RPS6KB2: variants seen among roughly 807,000 people sequenced by gnomAD.
RPS6KB2 encodes the protein ribosomal protein S6 kinase B2.
Under a neutral mutation model 58.2 loss-of-function variants are expected in RPS6KB2, and 51 were observed. The observed-to-expected ratio is 0.88, with a 90% CI of 0.70 to 1.11. The LOEUF (loss-of-function observed/expected upper bound fraction) is 1.11, where lower values mean the gene tolerates loss of function less well. Ranked by LOEUF, RPS6KB2 falls within the 50% of genes least tolerant of loss-of-function variation. The probability of loss-of-function intolerance (pLI) is 0.00; values close to 1 mark genes in which losing one functional copy is unlikely to be tolerated. For synonymous variants in RPS6KB2, 293 were observed against 258.6 expected, an observed-to-expected ratio of 1.13 and a Z score of -1.28; for missense variants, 671 against 655.8, an observed-to-expected ratio of 1.02 and a Z score of -0.25.
chr11:67,433,297 G>A lies in RPS6KB2; in HGVS notation c.799-43G>A, dbSNP rs781498179. 6 of 1,603,530 alleles carry A rather than the reference G, an allele frequency of 3.7e-6. No homozygotes were observed. The East Asian group carries it at 8.9e-5, about 24-fold the overall frequency. On this transcript the variant is annotated intron_variant, in intron 9 of 14. Transcript: ENST00000312629. ...CCTCCTGGGGCAAGGGCAGGGCCTG[G>A]TGGGAGGCCCACAAGGCTCCTCTCA...
intron 4 of RPS6KB2, chr11:67,429,875 G>A (rs1367998138): frequency 6.6e-6 from 2 of 303,060 alleles, no homozygotes; most frequent in South Asian, 3.9e-5. Context: ...GTGCAGTGAC[G>A]CGATTTTGGC....
At chr11:67,429,321 G>A (rs1207155201) in intron 3 of RPS6KB2, 81 bp downstream of exon 3, 7 of 1,574,340 alleles carry the variant, frequency 4.4e-6, no homozygotes, top group Non-Finnish European at 6.1e-6. Context: ...AATTAGACTT[G>A]TGAATCAGCA....
chr11:67,435,259 G>T lies in RPS6KB2; in HGVS notation c.*90G>T. On this transcript the variant is annotated 3_prime_UTR_variant, in exon 15 of 15. Transcript: ENST00000312629. ...CCTGGGCCAGTTCCAGAGACCTGGG[G>T]GTGTGTCTGGGGGTGGGGTGTGAGT... The T allele has an allele frequency of 8.5e-7, 1 of 1,171,904 alleles. No individual in the cohort carries two copies. Among genetic ancestry groups the T allele is most frequent in the Non-Finnish European group, 1.2e-6 (1 of 855,348 alleles). 72.6% of individuals were successfully genotyped at this position (1,171,904 alleles called of 1,614,324 possible).
At position 67,434,604 on chromosome 11, in the gene RPS6KB2, C is replaced by G; in HGVS notation, c.1178C>G (p.Ser393Cys). The change falls in exon 14 of 15, where the codon TCT becomes TGT. Residue 393 changes from serine to cysteine, a missense_variant. By Grantham distance (112) the Ser-to-Cys change is moderately radical (BLOSUM62 -1). Coordinates refer to ENST00000312629, the MANE Select transcript of RPS6KB2 (RefSeq NM_003952.3). ...AFLGFTYVAP[S>C]VLDSIKEGFS... ...CAGGGCTTCACATACGTGGCGCCGT[C>G]TGTCCTGGACAGCATCAAGGAGGGC... is the stretch of plus-strand genomic sequence containing the variant. The G allele has an allele frequency of 6.2e-7, 1 of 1,607,736 alleles. No homozygotes were observed. Among genetic ancestry groups the G allele is most frequent in the Non-Finnish European group, 8.5e-7 (1 of 1,178,474 alleles).
rs778215913 is a variant in RPS6KB2 at position 67,433,375 on chromosome 11, G to A, written c.834G>A (p.Met278Ile). The change falls in exon 10 of 15, where the codon ATG (methionine) becomes ATA (isoleucine). Residue 278 changes from methionine (M) to isoleucine (I), a missense_variant. By Grantham distance (10) the Met-to-Ile change is conservative. Transcript: ENST00000312629. ...CCGCAGAGAACCGGAAGAAAACCAT[G>A]GATAAGATCATCAGGGGCAAGCTGG... Reference protein sequence around the residue: ...PFTAENRKKTMDKIIRGKLAL... With the variant: ...PFTAENRKKTIDKIIRGKLAL... The A allele has an allele frequency of 1.2e-6, 2 of 1,613,978 alleles. No homozygotes were observed. Among genetic ancestry groups the A allele is most frequent in the Non-Finnish European group, 1.7e-6 (2 of 1,179,964 alleles).
rs891674239 is a variant in RPS6KB2, at chr11:67,435,401, G to A, written c.*232G>A. The A allele has an allele frequency of 1.2e-4, 72 of 609,358 alleles. No homozygotes were observed. The highest frequency in any genetic ancestry group is 1.8e-4 in the Non-Finnish European group (63 of 354,278). The allele number at this position is 609,358 out of a possible 1,614,324, so 37.7% of individuals were successfully genotyped here. On this transcript the variant is annotated 3_prime_UTR_variant, in exon 15 of 15. Coordinates refer to ENST00000312629, the MANE Select transcript of RPS6KB2 (RefSeq NM_003952.3). ...GTGGAAGATTAAAGGGCTGAATCAT[G>A]GTGCTGACCTGGCTCTTTGTGCTGC...
In RPS6KB2 at chr11:67,429,192, C is replaced by T; in HGVS notation, c.192C>T (p.Pro64=). 6.2e-7 allele frequency: 1 copy of T among 1,613,762 alleles called. No homozygotes were observed. Among genetic ancestry groups the T allele is most frequent in the South Asian group, 1.1e-5 (1 of 91,086 alleles). ...SVNVGPERIG[P]HCFELLRVLG... is the part of the protein sequence containing the mutation. The stretch of plus-strand genomic sequence containing the variant: ...ACGTTGGCCCAGAGCGCATCGGGCC[C>T]CACTGCTTTGAGCTGCTGCGTGTGC... The change falls in exon 3 of 15, where the codon CCC becomes CCT. Residue 64 remains proline (P), a synonymous_variant. Transcript: ENST00000312629.
chr11:67,428,678 C>G, intron 1 of RPS6KB2, 55 bp downstream of exon 1: 1 of 1,526,302 alleles, frequency 6.6e-7, no homozygotes, highest in Middle Eastern at 2.0e-4. Context: ...GTCACCCAGC[C>G]GAGGCCGGAG....
In RPS6KB2 at chr11:67,434,224, T is replaced by C. The variant is rs919761459; in HGVS notation, c.996T>C (p.Asn332=). The change falls in exon 12 of 15, where the codon AAT becomes AAC. Residue 332 remains asparagine, a synonymous_variant. Coordinates refer to ENST00000312629, the MANE Select transcript of RPS6KB2 (RefSeq NM_003952.3). The part of the protein sequence containing the change: ...VQRHPFFRHM[N]WDDLLAWRVD... ...GACATCCCTTTTTCCGGCACATGAATTGGGACGACCTTCTGGCCTGGCGTG... is the reference window on the plus strand; with the variant it reads ...GACATCCCTTTTTCCGGCACATGAACTGGGACGACCTTCTGGCCTGGCGTG... The C allele has an allele frequency of 3.7e-6, 6 of 1,613,852 alleles. No homozygotes were observed. Among genetic ancestry groups the C allele is most frequent in the Admixed American group, 3.3e-5 (2 of 60,004 alleles).
Position 67,433,167 on chromosome 11 carries a change from T to A in RPS6KB2, c.749T>A (p.Val250Glu), listed in dbSNP as rs200216663. 1 of 1,605,314 alleles carries A rather than the reference T, an allele frequency of 6.2e-7. No individual in the cohort carries two copies. Among genetic ancestry groups the A allele is most frequent in the Non-Finnish European group, 8.5e-7 (1 of 1,177,420 alleles). ...GTGCGCAGTGGCCACAACCGGGCTG[T>A]GGACTGGTGGAGCCTGGGGGCCCTG... ...ILVRSGHNRA[V>E]DWWSLGALMY... The change falls in exon 9 of 15, where the codon GTG (valine) becomes GAG (glutamate). Residue 250 changes from valine to glutamate, a missense_variant. By Grantham distance (121) the Val-to-Glu change is moderately radical. Coordinates refer to ENST00000312629, the MANE Select transcript of RPS6KB2 (RefSeq NM_003952.3).
intron 5 of RPS6KB2, 126 bp from the exon 6 acceptor site, chr11:67,432,474 C>T (rs994305410): frequency 1.0e-5 from 10 of 980,516 alleles, no homozygotes; most frequent in African/African-American, 1.6e-5. Context: ...TGAATCCCCA[C>T]GGCAGCTCTG....
chr11:67,433,464 TC>T lies in RPS6KB2; in HGVS notation c.906+18del. 6.4e-7 allele frequency: 1 copy of T among 1,573,204 alleles called. No individual in the cohort carries two copies. The highest frequency in any genetic ancestry group is 1.1e-5 in the South Asian group (1 of 90,422). ...GTCAAAAAGGTGCAGCTCCCTTCTC[TC>T]TTCTCCGGGGCCCTGCCAGCCATTC... On this transcript the variant is annotated intron_variant, in intron 10 of 14. Coordinates refer to ENST00000312629, the MANE Select transcript of RPS6KB2 (RefSeq NM_003952.3).
rs759970102 is a variant in RPS6KB2, at chr11:67,434,143, C to A, written c.970-55C>A. The A allele has an allele frequency of 3.1e-6, 5 of 1,611,754 alleles. No individual in the cohort carries two copies. In the African/African-American group the frequency reaches 5.3e-5, roughly 17 times the overall value. On this transcript the variant is annotated intron_variant, in intron 11 of 14. Transcript: ENST00000312629. ...CAGGGCCCCAGGGCAGAGGGAGTGA[C>A]CGGGGGGCAAGCAGGGTGAGCTGTT... is the stretch of plus-strand genomic sequence containing the variant.
Position 67,433,387 on chromosome 11 carries a change from CAGGGG to C in RPS6KB2, c.847_851del (p.Arg283GlnfsTer37), listed in dbSNP as rs751317889. The C allele has an allele frequency of 5.0e-6, 8 of 1,613,900 alleles. No homozygotes were observed. Among genetic ancestry groups the C allele is most frequent in the Non-Finnish European group, 6.8e-6 (8 of 1,179,992 alleles). ...GGAAGAAAACCATGGATAAGATCAT[CAGGGG>C]CAAGCTGGCACTGCCCCCCTACCTC... On this transcript the variant is annotated frameshift_variant, in exon 10 of 15. Coordinates refer to ENST00000312629, the MANE Select transcript of RPS6KB2 (RefSeq NM_003952.3). LOFTEE classifies it high-confidence loss of function.
intron 4 of RPS6KB2, 42 bp from the exon 5 acceptor site, chr11:67,431,326 A>G (rs764702918): frequency 6.2e-7 from 1 of 1,603,736 alleles, no homozygotes; most frequent in African/African-American, 1.3e-5. Context: ...CACTGTGCCC[A>G]GCCTGGATGC....
rs990453774 is a variant in RPS6KB2, at chr11:67,431,521, A to T, written c.457+6A>T. The T allele has an allele frequency of 1.2e-6, 2 of 1,612,674 alleles. No individual in the cohort carries two copies. The highest frequency in any genetic ancestry group is 8.5e-7 in the Non-Finnish European group (1 of 1,179,572). ...CATCCTTGAGTGCCTCAGTGGTATG[A>T]GTGCGGGCCCAGGCAGGGGTGCTGG... is the stretch of plus-strand genomic sequence containing the variant. On this transcript the variant is annotated splice_donor_region_variant and intron_variant, in intron 5 of 14. Transcript: ENST00000312629.
chr11:67,428,785 C>T (rs1441207993), intron 1 of RPS6KB2, 162 bp downstream of exon 1: 17 of 902,158 alleles, frequency 1.9e-5, no homozygotes, highest in African/African-American at 8.2e-5. Flanking sequence ...CACCCTCACC[C>T]CGACCTCTCT....
At chr11:67,428,743 C>A (rs368192580) in intron 1 of RPS6KB2, 120 bp downstream of exon 1, 77 of 1,012,082 alleles carry the variant, frequency 7.6e-5, no homozygotes, top group East Asian at 4.4e-4. Context: ...CCAGATCCTT[C>A]TCAGATCCCG....
At position 67,432,640 on chromosome 11, in the gene RPS6KB2, C is replaced by T. The variant is rs770651305; in HGVS notation, c.498C>T (p.Phe166=). 1 of 1,614,162 alleles carries T rather than the reference C, an allele frequency of 6.2e-7. No individual in the cohort carries two copies. The highest frequency in any genetic ancestry group is 8.5e-7 in the Non-Finnish European group (1 of 1,180,042). The stretch of plus-strand genomic sequence containing the variant: ...CGCATCTGGAGCGAGAGGGCATCTT[C>T]CTGGAAGATACGGCCTGGTGGGTGT... The part of the protein sequence containing the change: ...LFTHLEREGI[F]LEDTACFYLA... The change falls in exon 6 of 15, where the codon TTC becomes TTT. Residue 166 remains phenylalanine (F), a synonymous_variant. Coordinates refer to ENST00000312629, the MANE Select transcript of RPS6KB2 (RefSeq NM_003952.3).
Sources: gnomAD v4.1 joint callset for allele counts on GRCh38, gnomAD v4.1.1 for gene constraint, MANE v1.5 for transcripts, NCBI Gene and HGNC (gene_info 2026-07-23, HGNC 2026-07-21) for gene names.